Variants in SAMD5 observed in about 807,000 individuals in gnomAD.
SAMD5 encodes sterile alpha motif domain containing 5.
In SAMD5, 13 loss-of-function variants were observed where a neutral mutation model predicts 11.3. That is an observed-to-expected ratio of 1.15 (90% CI 0.75 to 1.83). The LOEUF (loss-of-function observed/expected upper bound fraction) is 1.83, where lower values mean the gene tolerates loss of function less well. Ranked by LOEUF, SAMD5 falls within the 40% of genes most tolerant of loss-of-function variation. The pLI, the probability that SAMD5 is intolerant of heterozygous loss-of-function variation, is 0.00. For missense variants in SAMD5, 255 were observed against 239.1 expected (o/e 1.07, Z -0.44); for synonymous variants, 129 against 111.3 (o/e 1.16, Z -1.00).
intron 1 of SAMD5, among the ~76,000 whole-genome samples, chr6:147,594,413 C>A (rs1471605239): frequency 6.6e-6 from 1 of 152,124 alleles, no homozygotes; most frequent in African/African-American, 2.4e-5. Flanking sequence ...GAGACTATAA[C>A]TAAGTTCACG....
At chr6:147,601,399 T>C (rs1277057520) in intron 1 of SAMD5, among the ~76,000 whole-genome samples, 3 of 152,212 alleles carry the variant, frequency 2.0e-5, no homozygotes, top group Non-Finnish European at 4.4e-5. Flanking sequence ...ATAATCAGTT[T>C]ATTTTTATGT....
Position 147,565,737 on chromosome 6 carries a change from G to T in SAMD5, c.*1281G>T. 1.0e-6 allele frequency: 1 copy of T among 983,922 alleles called. No individual in the cohort carries two copies. The highest frequency in any genetic ancestry group is 1.2e-6 in the Non-Finnish European group (1 of 828,650). 60.9% of individuals were successfully genotyped at this position (983,922 alleles called of 1,614,324 possible). On this transcript the variant is annotated 3_prime_UTR_variant, in exon 2 of 2. Coordinates refer to ENST00000367474, the MANE Select transcript of SAMD5 (RefSeq NM_001030060.3). ...GGCCTCCAGTAGCGCTGGGATTACAGGCGTGAGCCATCACACCCGGCCTGG... is the reference window on the plus strand; with the variant it reads ...GGCCTCCAGTAGCGCTGGGATTACATGCGTGAGCCATCACACCCGGCCTGG...
At chr6:147,745,120 T>C in the SAMD5 span, among the ~76,000 whole-genome samples, 1 of 152,102 alleles carries the variant, frequency 6.6e-6, no homozygotes, top group Non-Finnish European at 1.5e-5. Flanking sequence ...ACAAAATTCC[T>C]CTATTTTAGA....
At chr6:147,558,933 A>G (rs1193664838) in intron 1 of SAMD5, among the ~76,000 whole-genome samples, 1 of 152,194 alleles carries the variant, frequency 6.6e-6, no homozygotes, top group Non-Finnish European at 1.5e-5. Context: ...CTTCGTTCTT[A>G]AAATCGCTGT....
chr6:147,748,123 G>C, the SAMD5 span, among the ~76,000 whole-genome samples: 3 of 152,118 alleles, frequency 2.0e-5, no homozygotes, highest in Non-Finnish European at 2.9e-5. Flanking sequence ...TTTTCACCTT[G>C]GTAAGTGTTC....
intron 1 of SAMD5, among the ~76,000 whole-genome samples, chr6:147,685,890 G>C (rs933123115): frequency 2.0e-5 from 3 of 152,150 alleles, no homozygotes; most frequent in African/African-American, 7.2e-5. Flanking sequence ...CGATGTCATA[G>C]GTCACTGATC....
the SAMD5 span, among the ~76,000 whole-genome samples, chr6:147,817,618 G>C: frequency 6.6e-6 from 1 of 152,222 alleles, no homozygotes; most frequent in Admixed American, 6.5e-5. Flanking sequence ...TCTATGGTTT[G>C]TAAAAAAGAT....
At chr6:147,823,431 TG>T in the SAMD5 span, among the ~76,000 whole-genome samples, 2 of 146,738 alleles carry the variant, frequency 1.4e-5, no homozygotes, top group African/African-American at 5.0e-5. Context: ...TTAACTCCAG[TG>T]GCATAAAAAA....
chr6:147,660,010 T>C (rs1044617868), intron 1 of SAMD5, among the ~76,000 whole-genome samples: 6 of 152,136 alleles, frequency 3.9e-5, no homozygotes, highest in African/African-American at 1.2e-4. Flanking sequence ...ACGATGCTAT[T>C]AGGAGCACCC....
the SAMD5 span, among the ~76,000 whole-genome samples, chr6:147,889,254 A>C: frequency 6.6e-6 from 1 of 152,158 alleles, no homozygotes; most frequent in Non-Finnish European, 1.5e-5. Flanking sequence ...TGTCATGTCT[A>C]ATCTTCCATT....
intron 1 of SAMD5, among the ~76,000 whole-genome samples, chr6:147,602,010 T>C (rs1789624725): frequency 6.6e-6 from 1 of 152,248 alleles, no homozygotes; most frequent in Non-Finnish European, 1.5e-5. Flanking sequence ...CTCGTTAGTA[T>C]AACAGCAGCT....
intron 1 of SAMD5, among the ~76,000 whole-genome samples, chr6:147,646,017 TC>T (rs2128452858): frequency 6.4e-5 from 1 of 15,530 alleles, no homozygotes; most frequent in East Asian, 2.6e-3. Context: ...TGTCTATGTA[TC>T]TATCTATGTA....
At chr6:147,738,637 G>C, downstream of SAMD5, among the ~76,000 whole-genome samples, 1 of 152,240 alleles carries the variant, frequency 6.6e-6, no homozygotes, top group South Asian at 2.1e-4. Flanking sequence ...AATTGACATA[G>C]GGGCCTGAAA....
intron 1 of SAMD5, among the ~76,000 whole-genome samples, chr6:147,600,493 A>G (rs1468962173): frequency 6.6e-6 from 1 of 152,214 alleles, no homozygotes; most frequent in Non-Finnish European, 1.5e-5. Context: ...GGAGTTTCAT[A>G]TGGAGCCTCC....
At chr6:147,684,142 G>C (rs1415920792) in intron 1 of SAMD5, among the ~76,000 whole-genome samples, 1 of 151,952 alleles carries the variant, frequency 6.6e-6, no homozygotes, top group African/African-American at 2.4e-5. Flanking sequence ...CCAGAGCTAA[G>C]CGTTTCATTA....
intron 1 of SAMD5, among the ~76,000 whole-genome samples, chr6:147,669,495 T>G (rs1280116194): frequency 6.9e-6 from 1 of 145,878 alleles, no homozygotes; most frequent in Non-Finnish European, 1.5e-5. Context: ...TGTCATGGTC[T>G]CGGCTCACTG....
intron 1 of SAMD5, among the ~76,000 whole-genome samples, chr6:147,553,278 G>A (rs185415619): frequency 3.9e-4 from 59 of 152,296 alleles, no homozygotes; most frequent in Non-Finnish European, 5.3e-4. Context: ...GGCAGAGCTG[G>A]ACTTTGAATC....
chr6:147,868,258 C>T, the SAMD5 span, among the ~76,000 whole-genome samples: 1 of 152,118 alleles, frequency 6.6e-6, no homozygotes, highest in Non-Finnish European at 1.5e-5. Context: ...AGTTTGAGGT[C>T]ATTATATGGA....
At chr6:147,650,872 G>C (rs1451794024) in intron 1 of SAMD5, among the ~76,000 whole-genome samples, 3 of 152,196 alleles carry the variant, frequency 2.0e-5, no homozygotes, top group African/African-American at 4.8e-5. Context: ...GCAGAAGACA[G>C]ATCTAGGTCA....
Sources: allele counts gnomAD v4.1 joint callset (sites outside exome capture counted in the v4.1 genomes callset), GRCh38; gene constraint gnomAD v4.1.1; transcripts MANE v1.5; gene names NCBI Gene and HGNC (gene_info 2026-07-23, HGNC 2026-07-21).